RBFOX1: variants seen among roughly 807,000 people sequenced by gnomAD.
The protein encoded by RBFOX1 is RNA binding fox-1 homolog 1, also known as RNA binding protein fox-1 homolog 1.
Under a neutral mutation model 57.7 loss-of-function variants are expected in RBFOX1, and 8 were observed. The ratio of observed to expected loss-of-function variants is 0.14; its 90% CI spans 0.08 to 0.25. RBFOX1 has a LOEUF of 0.25. Ranked by LOEUF, RBFOX1 falls within the 10% of genes least tolerant of loss-of-function variation. RBFOX1 has a pLI of 1.00. For missense variants in RBFOX1, 611 were observed against 548.5 expected, an observed-to-expected ratio of 1.11 and a Z score of -1.14; for synonymous variants, 326 against 222.4, an observed-to-expected ratio of 1.47 and a Z score of -4.15.
chr16:6,741,790 A>G (rs1034514637), intron 3 of RBFOX1, among the ~76,000 whole-genome samples: 5 of 152,314 alleles, frequency 3.3e-5, no homozygotes, highest in East Asian at 1.9e-4. Flanking sequence ...ATTAATATCT[A>G]TAAATTTATG....
intron 1 of RBFOX1, among the ~76,000 whole-genome samples, chr16:5,461,053 G>T (rs1020390510): frequency 3.3e-5 from 5 of 152,072 alleles, no homozygotes; most frequent in African/African-American, 1.2e-4. Context: ...TGGGGTGGGG[G>T]TCCCGTCATT....
intron 2 of RBFOX1, among the ~76,000 whole-genome samples, chr16:6,411,458 G>T (rs994553938): frequency 4.6e-5 from 7 of 152,086 alleles, no homozygotes; most frequent in African/African-American, 7.2e-5. Flanking sequence ...ACAATTTTAG[G>T]TCTGGTGATA....
At chr16:6,229,551 T>G (rs147894658) in intron 1 of RBFOX1, among the ~76,000 whole-genome samples, 8 of 152,326 alleles carry the variant, frequency 5.3e-5, no homozygotes, top group African/African-American at 1.7e-4. Flanking sequence ...TAAAAAGAGA[T>G]AAATTGCTTT....
At chr16:7,396,675 T>C (rs900518849) in intron 4 of RBFOX1, among the ~76,000 whole-genome samples, 3 of 152,158 alleles carry the variant, frequency 2.0e-5, no homozygotes, top group African/African-American at 7.2e-5. Flanking sequence ...AGTGGTGACT[T>C]ACACCTGTAA....
At chr16:7,282,764 A>T (rs999550156) in intron 4 of RBFOX1, among the ~76,000 whole-genome samples, 1 of 152,074 alleles carries the variant, frequency 6.6e-6, no homozygotes, top group Non-Finnish European at 1.5e-5. Context: ...CCCAAAGTCC[A>T]CTGTGTCATT....
intron 13 of RBFOX1, 139 bp from the exon 14 acceptor site, chr16:7,676,635 C>T: frequency 2.8e-6 from 2 of 713,376 alleles, no homozygotes; most frequent in Non-Finnish European, 2.4e-6. Context: ...TGTATTTTCG[C>T]TTTGATACTA....
intron 4 of RBFOX1, among the ~76,000 whole-genome samples, chr16:7,396,830 A>G (rs1178413260): frequency 6.6e-6 from 1 of 152,004 alleles, no homozygotes; most frequent in Non-Finnish European, 1.5e-5. Flanking sequence ...AATCCCAGCT[A>G]CTCTGGAGGC....
intron 2 of RBFOX1, among the ~76,000 whole-genome samples, chr16:5,503,524 G>A (rs766282620): frequency 8.5e-5 from 13 of 152,158 alleles, no homozygotes; most frequent in Non-Finnish European, 1.9e-4. Context: ...GCTCACTGTA[G>A]CCTCTACCTC....
chr16:5,370,205 C>T (rs1422639110), intron 1 of RBFOX1, among the ~76,000 whole-genome samples: 2 of 152,186 alleles, frequency 1.3e-5, no homozygotes, highest in Non-Finnish European at 2.9e-5. Context: ...ACCCCACAGG[C>T]TATTTCTGCA....
intron 2 of RBFOX1, among the ~76,000 whole-genome samples, chr16:5,560,087 C>A (rs1382970444): frequency 6.6e-6 from 1 of 152,136 alleles, no homozygotes; most frequent in Non-Finnish European, 1.5e-5. Flanking sequence ...TGAAAATGGC[C>A]AACACATATT....
At chr16:6,767,851 T>C (rs374749186) in intron 3 of RBFOX1, among the ~76,000 whole-genome samples, 1 of 150,760 alleles carries the variant, frequency 6.6e-6, no homozygotes, top group South Asian at 2.1e-4. Flanking sequence ...GAGGTGGAGG[T>C]TGCAGTGAGC....
At chr16:7,149,478 C>G (rs1234587907) in intron 4 of RBFOX1, among the ~76,000 whole-genome samples, 2 of 129,398 alleles carry the variant, frequency 1.5e-5, no homozygotes, top group Non-Finnish European at 3.2e-5. Flanking sequence ...TCTTTTCTTT[C>G]TTTCCTTTTT....
At chr16:6,235,813 G>T (rs1456458326) in intron 1 of RBFOX1, among the ~76,000 whole-genome samples, 1 of 152,066 alleles carries the variant, frequency 6.6e-6, no homozygotes, top group Non-Finnish European at 1.5e-5. Context: ...CTACGAGGAT[G>T]CAAAGGCACA....
chr16:6,264,828 C>G (rs1486992065), intron 1 of RBFOX1, among the ~76,000 whole-genome samples: 1 of 152,164 alleles, frequency 6.6e-6, no homozygotes, highest in Non-Finnish European at 1.5e-5. Context: ...TTATTTCTGT[C>G]TTGCTCAGGA....
chr16:7,244,177 A>G (rs978541975), intron 4 of RBFOX1, among the ~76,000 whole-genome samples: 13 of 151,734 alleles, frequency 8.6e-5, no homozygotes, highest in Non-Finnish European at 1.6e-4. Context: ...ATCAGAGTAA[A>G]TAAACATTTA....
intron 4 of RBFOX1, among the ~76,000 whole-genome samples, chr16:7,057,571 T>A (rs559428145): frequency 1.7e-4 from 26 of 152,340 alleles, no homozygotes; most frequent in Admixed American, 7.2e-4. Flanking sequence ...AGGAGCCTGA[T>A]TGGCTTAGTC....
chr16:7,203,861 C>G (rs961971517), intron 4 of RBFOX1, among the ~76,000 whole-genome samples: 2 of 152,190 alleles, frequency 1.3e-5, no homozygotes, highest in South Asian at 2.1e-4. Context: ...CTAAGTTTGT[C>G]CAGAGAGCCA....
At chr16:7,101,398 G>T (rs561608899) in intron 4 of RBFOX1, among the ~76,000 whole-genome samples, 2 of 152,318 alleles carry the variant, frequency 1.3e-5, no homozygotes, top group South Asian at 2.1e-4. Flanking sequence ...GAAACTCTTG[G>T]ATTTCGTTCC....
At chr16:5,585,241 T>C (rs1271387821) in intron 2 of RBFOX1, among the ~76,000 whole-genome samples, 4 of 152,210 alleles carry the variant, frequency 2.6e-5, no homozygotes, top group Non-Finnish European at 4.4e-5. Context: ...TCTGGATATT[T>C]CACATCAGTA....
Sources: allele counts gnomAD v4.1 joint callset (sites outside exome capture counted in the v4.1 genomes callset), GRCh38; gene constraint gnomAD v4.1.1; transcripts MANE v1.5; gene names NCBI Gene and HGNC (gene_info 2026-07-23, HGNC 2026-07-21).